The following CD58 variants were observed in gnomAD, a reference collection of about 807,000 sequenced individuals.
The protein encoded by CD58 is CD58 molecule, also known as lymphocyte function-associated antigen 3.
Under a neutral mutation model 27.6 loss-of-function variants are expected in CD58, and 14 were observed. The ratio of observed to expected loss-of-function variants is 0.51; its 90% CI spans 0.34 to 0.79. CD58 has a LOEUF of 0.79. Ranked by LOEUF, CD58 falls within the 30% of genes least tolerant of loss-of-function variation. The pLI is 0.02. For synonymous variants in CD58, 117 were observed against 103.8 expected, an observed-to-expected ratio of 1.13 and a Z score of -0.77; for missense variants, 268 against 301.7, an observed-to-expected ratio of 0.89 and a Z score of 0.83.
In CD58 at chr1:116,563,381, T is replaced by G. The variant is rs1458568501; in HGVS notation, c.70+7522A>C. ...TCTCGGTGGATCTACCATTCCGGGG[T>G]CTGGTGGATGATGGCCCTCTTCTCA... On this transcript the variant is annotated intron_variant, in intron 1 of 5. Coordinates refer to ENST00000369489, the MANE Select transcript of CD58 (RefSeq NM_001779.3). The surrounding 1 kb of genome is among the most constrained non-coding windows in gnomAD (Gnocchi z 4.1). 2.8e-5 allele frequency among the ~76,000 whole-genome samples: 4 copies of G among 141,996 alleles called. No homozygotes were observed. Among genetic ancestry groups the G allele is most frequent in the Non-Finnish European group, 6.3e-5 (4 of 63,728 alleles). 93.2% of individuals were successfully genotyped at this position (141,996 alleles called of 152,430 possible). A position where few individuals can be genotyped will look rare whatever the true frequency, so the allele number is the denominator to read the frequency against.
Position 116,536,144 on chromosome 1 carries a change from C to T in CD58, c.449G>A (p.Ser150Asn), listed in dbSNP as rs1657799012. The change falls in exon 3 of 6, where the codon AGC becomes AAC. Residue 150 changes from serine to asparagine, a missense_variant. Coordinates refer to ENST00000369489, the MANE Select transcript of CD58 (RefSeq NM_001779.3). The surrounding 1 kb of genome is among the most constrained non-coding windows in gnomAD (Gnocchi z 5.4). ...TGAGTACATTATAAGTCCTCGATGGCTGTTGTAATGCTCTGGTATCATGCA... is the reference window on the plus strand; with the variant it reads ...TGAGTACATTATAAGTCCTCGATGGTTGTTGTAATGCTCTGGTATCATGCA... ...VQCMIPEHYN[S>N]HRGLIMYSWD... The T allele has an allele frequency of 1.2e-6, 2 of 1,613,252 alleles. No homozygotes were observed. The highest frequency in any genetic ancestry group is 1.7e-6 in the Non-Finnish European group (2 of 1,179,298).
Position 116,534,178 on chromosome 1 carries a change from C to A in CD58, c.628+1787G>T. 4 of 613,408 alleles carry A rather than the reference C, an allele frequency of 6.5e-6. No individual in the cohort carries two copies. The highest frequency in any genetic ancestry group is 1.2e-5 in the Non-Finnish European group (4 of 336,028). The allele number at this position is 613,408 out of a possible 1,614,324, so 38.0% of individuals were successfully genotyped here. ...CTCAGGCCAGTCCTCGGGGAGCACA[C>A]GCCGCCCATCTGGCTCGCACCGCAC... On this transcript the variant is annotated intron_variant, in intron 3 of 5. Transcript: ENST00000369489. This position sits in a 1 kb window ranked among gnomAD's most constrained non-coding sequence, Gnocchi z 5.3.
chr1:116,557,209 C>G lies in CD58; in HGVS notation c.71-12605G>C, dbSNP rs972523704. On this transcript the variant is annotated intron_variant, in intron 1 of 5. Transcript: ENST00000369489. This position sits in a 1 kb window ranked among gnomAD's most constrained non-coding sequence, Gnocchi z 5.2. ...AGAATAGCAAAATTTGACAGTCACCCCAAACCCTGGGCTTTGTGAAATCCC... is the reference window on the plus strand; with the variant it reads ...AGAATAGCAAAATTTGACAGTCACCGCAAACCCTGGGCTTTGTGAAATCCC... 3.3e-5 allele frequency among the ~76,000 whole-genome samples: 5 copies of G among 152,168 alleles called. No homozygotes were observed. The highest frequency in any genetic ancestry group is 1.2e-4 in the African/African-American group (5 of 41,440).
rs1224843448 is a variant in CD58 at position 116,536,765 on chromosome 1, G to A, written c.365-537C>T. Among the ~76,000 whole-genome samples, 1 of 152,150 alleles carries A rather than the reference G, an allele frequency of 6.6e-6. No homozygotes were observed. Among genetic ancestry groups the A allele is most frequent in the Non-Finnish European group, 1.5e-5 (1 of 68,028 alleles). ...CAGTTTCAGGTAGTTCTTTATAGCA[G>A]TGTGAAAACAGACCAATACAGGCCC... On this transcript the variant is annotated intron_variant, in intron 2 of 5. Coordinates refer to ENST00000369489, the MANE Select transcript of CD58 (RefSeq NM_001779.3). This position sits in a 1 kb window ranked among gnomAD's most constrained non-coding sequence, Gnocchi z 5.4.
Position 116,521,822 on chromosome 1 carries a change from T to C in CD58, c.706+84A>G. 2.2e-6 allele frequency: 2 copies of C among 904,702 alleles called. No homozygotes were observed. Among genetic ancestry groups the C allele is most frequent in the Non-Finnish European group, 3.5e-6 (2 of 574,698 alleles). 56.0% of individuals were successfully genotyped at this position (904,702 alleles called of 1,614,324 possible). On this transcript the variant is annotated intron_variant, in intron 4 of 5. Coordinates refer to ENST00000369489, the MANE Select transcript of CD58 (RefSeq NM_001779.3). The surrounding 1 kb of genome is among the most constrained non-coding windows in gnomAD (Gnocchi z 5.6). ...TTTTCAAATGTCTAAAATTTCAAAC[T>C]TTATTTTCATCCTTAAACTATTTTC...
intron 1 of CD58, among the ~76,000 whole-genome samples, chr1:116,551,994 C>T (rs1432529848): frequency 6.6e-6 from 1 of 152,206 alleles, no homozygotes; most frequent in African/African-American, 2.4e-5. Flanking sequence ...CCCACCTTGG[C>T]CTCCCAAAGT....
At chr1:116,533,127 T>A in intron 3 of CD58, 1 of 751,708 alleles carries the variant, frequency 1.3e-6, no homozygotes, top group South Asian at 1.4e-5. Flanking sequence ...ACGGAAAAAG[T>A]GTCCAATTTC....
chr1:116,544,694 A>C (rs1213197115), intron 1 of CD58, 90 bp from the exon 2 acceptor site: 1 of 806,474 alleles, frequency 1.2e-6, no homozygotes, highest in East Asian at 2.6e-5. Flanking sequence ...TAAGCTGACA[A>C]ACTGCTGACA....
At position 116,534,567 on chromosome 1, in the gene CD58, C is replaced by A. The variant is rs866113428; in HGVS notation, c.628+1398G>T. Among the ~76,000 whole-genome samples the A allele has an allele frequency of 6.6e-5, 10 of 152,178 alleles. No individual in the cohort carries two copies. Among genetic ancestry groups the A allele is most frequent in the Non-Finnish European group, 1.2e-4 (8 of 68,026 alleles). ...CGCAGCGCAGAACAAAGCGACTTGA[C>A]CTTCAGGGCAGTGGGCGGCAGGGCA... On this transcript the variant is annotated intron_variant, in intron 3 of 5. Transcript: ENST00000369489. The surrounding 1 kb of genome is among the most constrained non-coding windows in gnomAD (Gnocchi z 5.3).
rs1658414161 is a variant in CD58, at chr1:116,552,195, G to A, written c.71-7591C>T. Reference sequence around the variant, plus strand: ...GCCTAATTTCAGTATCATTGTCTCAGGTGACAAGGGAGGCCAGGAGAAGGA... The same window carrying A: ...GCCTAATTTCAGTATCATTGTCTCAAGTGACAAGGGAGGCCAGGAGAAGGA... On this transcript the variant is annotated intron_variant, in intron 1 of 5. Transcript: ENST00000369489. This position sits in a 1 kb window ranked among gnomAD's most constrained non-coding sequence, Gnocchi z 4.5. 6.6e-6 allele frequency among the ~76,000 whole-genome samples: 1 copy of A among 152,172 alleles called. No homozygotes were observed. The highest frequency in any genetic ancestry group is 6.5e-5 in the Admixed American group (1 of 15,286).
At chr1:116,539,718 T>G (rs1406848300) in intron 2 of CD58, among the ~76,000 whole-genome samples, 1 of 152,176 alleles carries the variant, frequency 6.6e-6, no homozygotes, top group Non-Finnish European at 1.5e-5. Flanking sequence ...CAAGCCTTTC[T>G]GCAGCACCTA....
In CD58 at chr1:116,544,354, C is replaced by T. The variant is rs773272330; in HGVS notation, c.321G>A (p.Ser107=). 3.0e-5 allele frequency: 49 copies of T among 1,610,142 alleles called. No individual in the cohort carries two copies. Among genetic ancestry groups the T allele is most frequent in the East Asian group, 8.9e-5 (4 of 44,834 alleles). Reference sequence around the variant, plus strand: ...ACTTCATGGTATCAGTAATATTTGGCGATTCCATTTCATACTCATCTTCAT... The same window carrying T: ...ACTTCATGGTATCAGTAATATTTGGTGATTCCATTTCATACTCATCTTCAT... ...SSDEDEYEME[S]PNITDTMKFF... The change falls in exon 2 of 6, where the codon TCG becomes TCA. Residue 107 remains serine, a synonymous_variant. Coordinates refer to ENST00000369489, the MANE Select transcript of CD58 (RefSeq NM_001779.3).
rs1238461893 is a variant in CD58 at position 116,521,209 on chromosome 1, TG to T, written c.706+696del. On this transcript the variant is annotated intron_variant, in intron 4 of 5. Transcript: ENST00000369489. This position sits in a 1 kb window ranked among gnomAD's most constrained non-coding sequence, Gnocchi z 5.6. ...ACAATGGATCCTAGATACTATCACT[TG>T]TAGAAAGTTTACTCTTCGGCATTCC... Among the ~76,000 whole-genome samples, 1 of 152,204 alleles carries T rather than the reference TG, an allele frequency of 6.6e-6. No homozygotes were observed. Among genetic ancestry groups the T allele is most frequent in the East Asian group, 1.9e-4 (1 of 5,200 alleles).
intron 1 of CD58, among the ~76,000 whole-genome samples, chr1:116,561,712 G>C (rs1281894155): frequency 6.6e-6 from 1 of 152,154 alleles, no homozygotes; most frequent in African/African-American, 2.4e-5. Context: ...ATACAACAGA[G>C]CATATAAAGG....
chr1:116,532,007 T>C lies in CD58; in HGVS notation c.628+3958A>G, dbSNP rs1388514847. 6.6e-6 allele frequency among the ~76,000 whole-genome samples: 1 copy of C among 152,214 alleles called. No homozygotes were observed. The highest frequency in any genetic ancestry group is 1.5e-5 in the Non-Finnish European group (1 of 68,038). The stretch of plus-strand genomic sequence containing the variant: ...TGGTGGGGCCCAGCAATGGGACTAC[T>C]GAGAAAGCAGGACTTGACGCTCATA... On this transcript the variant is annotated intron_variant, in intron 3 of 5. Transcript: ENST00000369489. The surrounding 1 kb of genome is among the most constrained non-coding windows in gnomAD (Gnocchi z 5.1).
intron 1 of CD58, among the ~76,000 whole-genome samples, chr1:116,547,003 T>A (rs559438887): frequency 1.3e-5 from 2 of 152,202 alleles, no homozygotes; most frequent in Admixed American, 6.5e-5. Context: ...CTTTTTTAAA[T>A]TTTTTTATTA....
chr1:116,521,543 T>C lies in CD58; in HGVS notation c.706+363A>G, dbSNP rs1337946265. Among the ~76,000 whole-genome samples the C allele has an allele frequency of 6.6e-6, 1 of 152,226 alleles. No individual in the cohort carries two copies. Among genetic ancestry groups the C allele is most frequent in the Admixed American group, 6.5e-5 (1 of 15,276 alleles). On this transcript the variant is annotated intron_variant, in intron 4 of 5. Coordinates refer to ENST00000369489, the MANE Select transcript of CD58 (RefSeq NM_001779.3). This position sits in a 1 kb window ranked among gnomAD's most constrained non-coding sequence, Gnocchi z 5.6. ...ACCTGGGAGCCCCATTCGTGTTATATGACATGAAAATTACAGAGGTGGCAG... is the reference window on the plus strand; with the variant it reads ...ACCTGGGAGCCCCATTCGTGTTATACGACATGAAAATTACAGAGGTGGCAG...
rs1490605777 is a variant in CD58 at position 116,522,796 on chromosome 1, G to A, written c.629-813C>T. On this transcript the variant is annotated intron_variant, in intron 3 of 5. Coordinates refer to ENST00000369489, the MANE Select transcript of CD58 (RefSeq NM_001779.3). The surrounding 1 kb of genome is among the most constrained non-coding windows in gnomAD (Gnocchi z 4.6). ...GCCAGTGGAAGCAGAACTTGGCATT[G>A]TGTTTGGTAGGGCAATTCTGGCAGT... 2.0e-5 allele frequency among the ~76,000 whole-genome samples: 3 copies of A among 152,228 alleles called. No homozygotes were observed. The South Asian group carries it at 6.2e-4, about 31-fold the overall frequency.
chr1:116,530,352 C>A (rs1571064355), intron 3 of CD58, among the ~76,000 whole-genome samples: 1 of 152,000 alleles, frequency 6.6e-6, no homozygotes, highest in African/African-American at 2.4e-5. Flanking sequence ...ACTACAGGTG[C>A]CCACCAACAC....
Sources: allele counts gnomAD v4.1 joint callset (sites outside exome capture counted in the v4.1 genomes callset), GRCh38; gene constraint gnomAD v4.1.1; non-coding constraint Gnocchi (gnomAD v3.1); transcripts MANE v1.5; gene names NCBI Gene and HGNC (gene_info 2026-07-23, HGNC 2026-07-21).